ZBTB26: variants seen among roughly 807,000 people sequenced by gnomAD.
ZBTB26 encodes zinc finger and BTB domain-containing protein 26.
Under a neutral mutation model 31.6 loss-of-function variants are expected in ZBTB26, and 12 were observed. The ratio of observed to expected loss-of-function variants is 0.38; its 90% confidence interval spans 0.24 to 0.61. ZBTB26 has a LOEUF of 0.61. ZBTB26 is among the 20% of genes least tolerant of loss of function. The pLI is 0.60. For synonymous variants in ZBTB26, 155 were observed against 182.9 expected (o/e 0.85, Z 1.23); for missense variants, 311 against 521.9 (o/e 0.60, Z 3.94).
chr9:122,927,419 C>G (rs1833199718), intron 1 of ZBTB26, among the ~76,000 whole-genome samples: 1 of 152,148 alleles, frequency 6.6e-6, no homozygotes, highest in South Asian at 2.1e-4. Context: ...TAACTACTGG[C>G]AAGTAAAATT....
chr9:122,918,446 TC>T lies in ZBTB26; in HGVS notation c.*162del. ...TGGGAGAGGGCAAAAGTAAGGCAAA[TC>T]CACTCCAAGTGGTAAGTTGCCTGGT... On this transcript the variant is annotated 3_prime_UTR_variant, in exon 2 of 2. Transcript: ENST00000373656. The T allele has an allele frequency of 9.6e-7, 1 of 1,041,944 alleles. No homozygotes were observed. The highest frequency in any genetic ancestry group is 1.4e-6 in the Non-Finnish European group (1 of 738,188). 64.5% of individuals were successfully genotyped at this position (1,041,944 alleles called of 1,614,324 possible).
intron 1 of ZBTB26, among the ~76,000 whole-genome samples, chr9:122,920,655 G>C (rs1833082435): frequency 6.6e-6 from 1 of 152,178 alleles, no homozygotes; most frequent in Non-Finnish European, 1.5e-5. Context: ...CAAAGACAAA[G>C]TTCTTTGTCC....
chr9:122,918,871 T>A lies in ZBTB26; in HGVS notation c.1064A>T (p.Lys355Ile). ...AAAAACCATATCACAATAGTTACAT[T>A]TATGGGGCTTATCTCCACTGTGAAG... ...LNLHSGDKPH[K>I]CNYCDMVFAH... Residue 355 changes from lysine (K) to isoleucine (I), a missense_variant, in exon 2 of 2, where the codon AAA (lysine) becomes ATA (isoleucine). Lys to Ile is a moderately radical substitution (Grantham distance 102). Transcript: ENST00000373656. 6.2e-7 allele frequency: 1 copy of A among 1,614,192 alleles called. No homozygotes were observed. The highest frequency in any genetic ancestry group is 8.5e-7 in the Non-Finnish European group (1 of 1,180,024).
chr9:122,917,334 T>C lies in ZBTB26; in HGVS notation c.*1275A>G, dbSNP rs1277994782. 6.6e-6 allele frequency: 1 copy of C among 152,198 alleles called. No individual in the cohort carries two copies. The highest frequency in any genetic ancestry group is 1.5e-5 in the Non-Finnish European group (1 of 68,024). The allele number at this position is 152,198 out of a possible 1,614,324, so 9.4% of individuals were successfully genotyped here. ...AGGCTTTGGATACCCCAATTTAAAA[T>C]GAAAGAGGTGGAGTAAATGACCTCT... On this transcript the variant is annotated 3_prime_UTR_variant, in exon 2 of 2. Coordinates refer to ENST00000373656, the MANE Select transcript of ZBTB26 (RefSeq NM_020924.4).
At chr9:122,929,172 T>C (rs943701327) in intron 1 of ZBTB26, among the ~76,000 whole-genome samples, 1 of 152,302 alleles carries the variant, frequency 6.6e-6, no homozygotes, top group African/African-American at 2.4e-5. Context: ...TGAGGATTCA[T>C]GAGCTGGATG....
intron 1 of ZBTB26, among the ~76,000 whole-genome samples, chr9:122,920,943 A>C (rs1833088387): frequency 6.6e-6 from 1 of 152,172 alleles, no homozygotes; most frequent in South Asian, 2.1e-4. Context: ...CACATCTTTC[A>C]AAAACAGAGA....
chr9:122,925,201 C>T (rs141179857), intron 1 of ZBTB26, among the ~76,000 whole-genome samples: 133 of 151,994 alleles, frequency 8.8e-4, no homozygotes, highest in Non-Finnish European at 1.6e-3. Context: ...GGTGAAACCC[C>T]GTCTCTACAA....
In ZBTB26 at chr9:122,919,566, C is replaced by T; in HGVS notation, c.369G>A (p.Leu123=). 6.2e-7 allele frequency: 1 copy of T among 1,614,202 alleles called. No homozygotes were observed. The change falls in exon 2 of 2, where the codon CTG becomes CTA. Residue 123 remains leucine, a synonymous_variant. Transcript: ENST00000373656. This position sits in a 1 kb window ranked among gnomAD's most constrained non-coding sequence, Gnocchi z 6.1. ...GTTGTTTTGGCTTTATAAACTTCCA[C>T]AGGGCCTGTGTGCACCGTTCTACAA... ...SHIVERCTQA[L]WKFIKPKQPM... is the part of the protein sequence containing the mutation.
At chr9:122,928,468 C>G (rs141196621) in intron 1 of ZBTB26, among the ~76,000 whole-genome samples, 1 of 152,070 alleles carries the variant, frequency 6.6e-6, no homozygotes. Flanking sequence ...ACACCACGCC[C>G]GGCCTAGTTC....
chr9:122,920,002 C>T, intron 1 of ZBTB26, 58 bp from the exon 2 acceptor site: 1 of 1,504,456 alleles, frequency 6.6e-7, no homozygotes, highest in South Asian at 1.4e-5. Flanking sequence ...ATTAAGAAAG[C>T]TGGATCTACC....
At chr9:122,930,472 G>A (rs1833255144) in intron 1 of ZBTB26, among the ~76,000 whole-genome samples, 1 of 152,180 alleles carries the variant, frequency 6.6e-6, no homozygotes, top group African/African-American at 2.4e-5. Flanking sequence ...TCTCCGATAA[G>A]CGTTCCTAAC....
rs1833068369 is a variant in ZBTB26, at chr9:122,919,722, T to G, written c.213A>C (p.Lys71Asn). ...CTTCGGAACTCTGTAATATGGAGAT[T>G]TTCACCTCTCTGGAATCATTCAGTA... ...QFLLNDSREV[K>N]ISILQSSEVG... The change falls in exon 2 of 2, where the codon AAA becomes AAC. Residue 71 changes from lysine (K) to asparagine (N), a missense_variant. Physicochemically the swap from Lys to Asn is moderately conservative, Grantham distance 94 (BLOSUM62 0). Around this residue, in one of 5 missense-constraint regions of ZBTB26, gnomAD observed 207 missense variants for 298.6 expected, o/e 0.69. Coordinates refer to ENST00000373656, the MANE Select transcript of ZBTB26 (RefSeq NM_020924.4). The surrounding 1 kb of genome is among the most constrained non-coding windows in gnomAD (Gnocchi z 6.1). 2 of 1,613,974 alleles carry G rather than the reference T, an allele frequency of 1.2e-6. No homozygotes were observed. Among genetic ancestry groups the G allele is most frequent in the South Asian group, 2.2e-5 (2 of 91,082 alleles).
chr9:122,924,166 A>G (rs1174316198), intron 1 of ZBTB26, among the ~76,000 whole-genome samples: 2 of 152,210 alleles, frequency 1.3e-5, no homozygotes, highest in Non-Finnish European at 2.9e-5. Flanking sequence ...AGTTCTCAAG[A>G]AAATTATCAA....
intron 1 of ZBTB26, among the ~76,000 whole-genome samples, chr9:122,923,453 G>A (rs1833132483): frequency 6.6e-6 from 1 of 152,152 alleles, no homozygotes. Context: ...AGATATACAG[G>A]GAAAATGTCA....
At position 122,915,929 on chromosome 9, in the gene ZBTB26, A is replaced by T. The variant is rs908724943; in HGVS notation, c.*2680T>A. 2.0e-5 allele frequency: 3 copies of T among 152,206 alleles called. No homozygotes were observed. Among genetic ancestry groups the T allele is most frequent in the Non-Finnish European group, 2.9e-5 (2 of 68,036 alleles). 9.4% of individuals were successfully genotyped at this position (152,206 alleles called of 1,614,324 possible). A position where few individuals can be genotyped will look rare whatever the true frequency, so the allele number is the denominator to read the frequency against. On this transcript the variant is annotated 3_prime_UTR_variant, in exon 2 of 2. Transcript: ENST00000373656. Reference sequence around the variant, plus strand: ...CCATAAAATACAAATGCTGAATGATAAAGGTTTTAAAAATCTTCCTCCTCT... The same window carrying T: ...CCATAAAATACAAATGCTGAATGATTAAGGTTTTAAAAATCTTCCTCCTCT...
intron 1 of ZBTB26, 59 bp downstream of exon 1, chr9:122,931,378 G>C (rs967532550): frequency 1.3e-5 from 2 of 152,564 alleles, no homozygotes; most frequent in African/African-American, 4.8e-5. Flanking sequence ...GCCCCAGGGG[G>C]GTTCCATTTT....
rs1554778683 is a variant in ZBTB26 at position 122,924,615 on chromosome 9, C to CTTTTTT, written c.-10-4672_-10-4671insAAAAAA. Among the ~76,000 whole-genome samples the CTTTTTT allele has an allele frequency of 2.1e-4, 2 of 9,366 alleles. 1 individual carries two copies. The highest frequency in any genetic ancestry group is 1.3e-3 in the Non-Finnish European group (2 of 1,558). 6.1% of individuals were successfully genotyped at this position (9,366 alleles called of 152,430 possible). A position where few individuals can be genotyped will look rare whatever the true frequency, so the allele number is the denominator to read the frequency against. On this transcript the variant is annotated intron_variant, in intron 1 of 1. Coordinates refer to ENST00000373656, the MANE Select transcript of ZBTB26 (RefSeq NM_020924.4). ...TTGGCAATATAAAACCAAATTTCAA[C>CTTTTTT]TTTCTTTTTTTTTTTTTTTTTTGAG...
rs1179028890 is a variant in ZBTB26, at chr9:122,919,336, T to C, written c.599A>G (p.Gln200Arg). The C allele has an allele frequency of 1.9e-6, 3 of 1,614,230 alleles. No homozygotes were observed. Reference protein sequence around the residue: ...DVSEVRSKKDQNQFISSEPTA... With the variant: ...DVSEVRSKKDRNQFISSEPTA... Reference sequence around the variant, plus strand: ...GGGTTCAGAAGAAATAAACTGGTTCTGATCTTTTTTACTTCTAACCTCTGA... The same window carrying C: ...GGGTTCAGAAGAAATAAACTGGTTCCGATCTTTTTTACTTCTAACCTCTGA... The change falls in exon 2 of 2, where the codon CAG becomes CGG. Residue 200 changes from glutamine (Q) to arginine (R), a missense_variant. Coordinates refer to ENST00000373656, the MANE Select transcript of ZBTB26 (RefSeq NM_020924.4). This position sits in a 1 kb window ranked among gnomAD's most constrained non-coding sequence, Gnocchi z 6.1.
At chr9:122,926,028 G>A (rs2131540768) in intron 1 of ZBTB26, among the ~76,000 whole-genome samples, 1 of 152,102 alleles carries the variant, frequency 6.6e-6, no homozygotes, top group East Asian at 1.9e-4. Flanking sequence ...CAAAGTGGTG[G>A]GATTACAGGC....
Sources: gnomAD v4.1 joint callset for allele counts (sites outside exome capture counted in the v4.1 genomes callset) on GRCh38, gnomAD v4.1.1 for gene constraint, gnomAD v4.1.1 regional missense constraint, Gnocchi (gnomAD v3.1) non-coding constraint, MANE v1.5 for transcripts, NCBI Gene and HGNC (gene_info 2026-07-23, HGNC 2026-07-21) for gene names.